TSHR: variants seen among roughly 807,000 people sequenced by gnomAD.
TSHR encodes thyrotropin receptor.
In TSHR, 51 loss-of-function variants were observed where a neutral mutation model predicts 64.1. The ratio of observed to expected loss-of-function variants is 0.80; its 90% CI spans 0.64 to 1.01. TSHR has a LOEUF of 1.01. Ranked by LOEUF, TSHR falls within the 50% of genes least tolerant of loss-of-function variation. The pLI is 0.00. For synonymous variants in TSHR, 361 were observed against 361.9 expected (o/e 1.00, Z 0.03); for missense variants, 877 against 942.8 (o/e 0.93, Z 0.91).
At chr14:81,087,923 A>G in intron 3 of TSHR, 31 bp from the exon 4 acceptor site, 1 of 1,468,322 alleles carries the variant, frequency 6.8e-7, no homozygotes, top group Non-Finnish European at 9.6e-7. Context: ...CGGATGCATT[A>G]TAGTGACTGT....
chr14:81,075,314 G>A (rs775450985), intron 3 of TSHR, among the ~76,000 whole-genome samples: 5 of 152,110 alleles, frequency 3.3e-5, no homozygotes, highest in African/African-American at 9.7e-5. Flanking sequence ...TGGTTAGGGG[G>A]CTGCCCAATT....
intron 1 of TSHR, among the ~76,000 whole-genome samples, chr14:81,054,723 A>T (rs1284205489): frequency 6.6e-6 from 1 of 152,100 alleles, no homozygotes; most frequent in Non-Finnish European, 1.5e-5. Flanking sequence ...GAGAGAGATG[A>T]TTAGGGTATA....
At chr14:81,033,288 T>C (rs145316813) in intron 1 of TSHR, 126 of 457,122 alleles carry the variant, frequency 2.8e-4, no homozygotes, top group African/African-American at 2.5e-3. Context: ...TCGAAAAGCA[T>C]AATTTGTACA....
chr14:81,122,879 C>T (rs748117175), intron 8 of TSHR, among the ~76,000 whole-genome samples: 2 of 152,088 alleles, frequency 1.3e-5, no homozygotes, highest in African/African-American at 2.4e-5. Flanking sequence ...AATCCCAGCA[C>T]TTTGGGAGGC....
chr14:81,011,121 T>C (rs1272156296), intron 1 of TSHR, among the ~76,000 whole-genome samples: 1 of 152,228 alleles, frequency 6.6e-6, no homozygotes, highest in Non-Finnish European at 1.5e-5. Context: ...TCCTTTCTTG[T>C]ACGATCCAGG....
intron 1 of TSHR, among the ~76,000 whole-genome samples, chr14:80,979,534 C>G (rs1287114678): frequency 6.6e-6 from 1 of 152,034 alleles, no homozygotes; most frequent in Non-Finnish European, 1.5e-5. Context: ...ATGTTCTCAC[C>G]ACAAAGAAAT....
intron 1 of TSHR, chr14:81,050,141 T>C (rs1885357153): frequency 6.6e-6 from 1 of 152,186 alleles, no homozygotes; most frequent in African/African-American, 2.4e-5. Context: ...GGAAACAGAA[T>C]AACACCCTAC....
At chr14:81,131,370 G>A (rs78851612) in intron 8 of TSHR, among the ~76,000 whole-genome samples, 13,474 of 152,068 alleles carry the variant, frequency 0.089, 769 homozygotes, top group South Asian at 0.15. Flanking sequence ...ACTCACTTTG[G>A]TAACTTTCAA....
intron 1 of TSHR, among the ~76,000 whole-genome samples, chr14:81,059,473 T>C (rs1017104987): frequency 3.9e-5 from 6 of 152,198 alleles, no homozygotes; most frequent in Admixed American, 1.3e-4. Context: ...GCAAAATGTA[T>C]GAACTGTTAA....
At chr14:81,028,059 G>A (rs1304953842) in intron 1 of TSHR, among the ~76,000 whole-genome samples, 2 of 152,124 alleles carry the variant, frequency 1.3e-5, no homozygotes, top group East Asian at 3.8e-4. Context: ...CATTCATAGT[G>A]AGAAATTAAT....
In TSHR at chr14:81,104,653, A is replaced by G; in HGVS notation, c.615-3722A>G. ...CAGAAAAGGGCGTACATAAACACAC[A>G]TATAGTACACATAATACTGAGTTTG... On this transcript the variant is annotated intron_variant, in intron 7 of 9. Coordinates refer to ENST00000298171, the MANE Select transcript of TSHR (RefSeq NM_000369.5). 4 of 985,444 alleles carry G rather than the reference A, an allele frequency of 4.1e-6. No individual in the cohort carries two copies. The South Asian group carries it at 1.4e-4, about 35-fold the overall frequency. The allele number at this position is 985,444 out of a possible 1,614,324, so 61.0% of individuals were successfully genotyped here.
At chr14:81,049,244 A>C (rs1402888677) in intron 1 of TSHR, among the ~76,000 whole-genome samples, 1 of 152,142 alleles carries the variant, frequency 6.6e-6, no homozygotes, top group African/African-American at 2.4e-5. Flanking sequence ...CAACCCCAGC[A>C]CTCTGAATAA....
intron 3 of TSHR, among the ~76,000 whole-genome samples, chr14:81,072,993 T>A (rs1222758711): frequency 4.4e-5 from 1 of 22,500 alleles, no homozygotes; most frequent in African/African-American, 4.1e-4. Flanking sequence ...CGAGACTCCG[T>A]CTCAAAAAAA....
chr14:81,115,979 C>A (rs1237298119), intron 8 of TSHR, among the ~76,000 whole-genome samples: 1 of 151,980 alleles, frequency 6.6e-6, no homozygotes, highest in East Asian at 1.9e-4. Context: ...CAAGCAAATG[C>A]TGAGAGATTT....
intron 1 of TSHR, among the ~76,000 whole-genome samples, chr14:80,979,314 A>G (rs1888051669): frequency 6.6e-6 from 1 of 152,226 alleles, no homozygotes; most frequent in African/African-American, 2.4e-5. Context: ...GTCTAATGAC[A>G]TTGATCTCAT....
At chr14:80,961,032 T>C (rs970014492) in intron 1 of TSHR, among the ~76,000 whole-genome samples, 3 of 152,266 alleles carry the variant, frequency 2.0e-5, no homozygotes, top group African/African-American at 7.2e-5. Context: ...AAGCCATAGC[T>C]GCTGGAGGTA....
At chr14:81,085,894 G>C (rs1888251712) in intron 3 of TSHR, among the ~76,000 whole-genome samples, 1 of 152,178 alleles carries the variant, frequency 6.6e-6, no homozygotes, top group African/African-American at 2.4e-5. Context: ...GTCTCTAGAG[G>C]GGCAAGGTGG....
At chr14:81,100,356 G>T (rs775668779) in intron 7 of TSHR, among the ~76,000 whole-genome samples, 2 of 152,016 alleles carry the variant, frequency 1.3e-5, no homozygotes, top group Non-Finnish European at 2.9e-5. Context: ...CCTCTGATAG[G>T]TAGGAAAAAA....
chr14:81,036,875 G>C (rs921548623), intron 1 of TSHR, among the ~76,000 whole-genome samples: 2 of 152,186 alleles, frequency 1.3e-5, no homozygotes, highest in African/African-American at 4.8e-5. Context: ...AGGTGCAGTA[G>C]CTCATGCCTG....
Sources: allele counts gnomAD v4.1 joint callset (sites outside exome capture counted in the v4.1 genomes callset), GRCh38; gene constraint gnomAD v4.1.1; transcripts MANE v1.5; gene names NCBI Gene and HGNC (gene_info 2026-07-23, HGNC 2026-07-21).